FREM3: variants seen among roughly 807,000 people sequenced by gnomAD.
FREM3 encodes FRAS1-related extracellular matrix protein 3.
FREM3 carries 105 observed loss-of-function variants against 129.1 expected under a neutral mutation model. The observed-to-expected ratio is 0.81, with a 90% CI of 0.69 to 0.96. The LOEUF is 0.96. FREM3 is among the 40% of genes least tolerant of loss of function. FREM3 has a pLI of 0.00. For missense variants in FREM3, 2,593 were observed against 2,666.3 expected (o/e 0.97, Z 0.61); for synonymous variants, 1,014 against 1,044.9 (o/e 0.97, Z 0.57).
At chr4:143,669,804 T>A (rs1243169057) in intron 2 of FREM3, among the ~76,000 whole-genome samples, 8 of 152,082 alleles carry the variant, frequency 5.3e-5, no homozygotes, top group Admixed American at 1.3e-4. Flanking sequence ...ATATATATAT[T>A]TTTAAATTTC....
At chr4:143,667,160 A>G (rs1406757126) in intron 2 of FREM3, among the ~76,000 whole-genome samples, 1 of 152,160 alleles carries the variant, frequency 6.6e-6, no homozygotes, top group Non-Finnish European at 1.5e-5. Flanking sequence ...TTACCAACAT[A>G]TATTTTATTG....
intron 2 of FREM3, among the ~76,000 whole-genome samples, chr4:143,647,345 G>T (rs188821834): frequency 1.7e-3 from 254 of 152,302 alleles, no homozygotes; most frequent in Admixed American, 0.015. Flanking sequence ...TCTGTTTTCT[G>T]GGGAGAAATT....
chr4:143,581,319 A>T (rs1008674015), intron 7 of FREM3, among the ~76,000 whole-genome samples: 1 of 152,216 alleles, frequency 6.6e-6, no homozygotes, highest in Non-Finnish European at 1.5e-5. Flanking sequence ...TTGCAGCTGC[A>T]GTGGTACTGC....
chr4:143,637,251 TA>T (rs78169396), intron 2 of FREM3, among the ~76,000 whole-genome samples: 43,658 of 152,000 alleles, frequency 0.29, 7,543 homozygotes, highest in East Asian at 0.51. Flanking sequence ...ATGATAAATA[TA>T]ATGGTCTTTT....
chr4:143,580,363 C>T (rs1187221034), intron 7 of FREM3, among the ~76,000 whole-genome samples: 1 of 152,122 alleles, frequency 6.6e-6, no homozygotes, highest in Non-Finnish European at 1.5e-5. Flanking sequence ...TGCGACCCTC[C>T]TGGGACCCAC....
intron 2 of FREM3, among the ~76,000 whole-genome samples, chr4:143,673,773 A>G (rs1740050742): frequency 6.6e-6 from 1 of 152,090 alleles, no homozygotes; most frequent in Non-Finnish European, 1.5e-5. Context: ...TTGTTTACCT[A>G]CTCAAGCCTC....
At chr4:143,600,961 G>A (rs1297022229) in intron 6 of FREM3, among the ~76,000 whole-genome samples, 1 of 130,154 alleles carries the variant, frequency 7.7e-6, no homozygotes, top group Non-Finnish European at 1.7e-5. Context: ...TGTTTCTAAA[G>A]TCTTTTTTTT....
rs558384196 is a variant in FREM3 at position 143,664,578 on chromosome 4, C to T, written c.5275+28535G>A. 3.9e-3 allele frequency among the ~76,000 whole-genome samples: 594 copies of T among 152,282 alleles called. 6 individuals carry two copies. The highest frequency in any genetic ancestry group is 0.014 in the South Asian group (67 of 4,822). On this transcript the variant is annotated intron_variant, in intron 2 of 7. Coordinates refer to ENST00000329798, the MANE Select transcript of FREM3 (RefSeq NM_001168235.2). ...GGAGGCAGTCTGCCCGTTCTCAGAT[C>T]TCCAGCTGCATGCTGGGACAACCAC... is the stretch of plus-strand genomic sequence containing the variant.
chr4:143,676,018 T>G (rs141236909), intron 2 of FREM3, among the ~76,000 whole-genome samples: 11,110 of 151,952 alleles, frequency 0.073, 1,076 homozygotes, highest in African/African-American at 0.21. Flanking sequence ...AGAAAAAGAG[T>G]GAATCCTCCC....
chr4:143,591,812 A>G (rs1184481725), intron 6 of FREM3, among the ~76,000 whole-genome samples: 5 of 152,094 alleles, frequency 3.3e-5, no homozygotes, highest in African/African-American at 9.7e-5. Context: ...TTTCTGTCTC[A>G]CTGATCTGTC....
At position 143,700,613 on chromosome 4, in the gene FREM3, G is replaced by A; in HGVS notation, c.63C>T (p.Cys21=). Residue 21 remains cysteine (C), a synonymous_variant, in exon 1 of 8, where the codon TGC becomes TGT. Coordinates refer to ENST00000329798, the MANE Select transcript of FREM3 (RefSeq NM_001168235.2). ...GCAGCGCGGGGCGACTCAAGAGCAG[G>A]CAGGCGAGCGCCACAAGGAGCTGCC... The part of the protein sequence containing the change: ...TPRQLLVALA[C]LLLSRPALQG... The A allele has an allele frequency of 2.7e-6, 4 of 1,454,546 alleles. No individual in the cohort carries two copies. Among genetic ancestry groups the A allele is most frequent in the Non-Finnish European group, 2.7e-6 (3 of 1,105,594 alleles). 90.1% of individuals were successfully genotyped at this position (1,454,546 alleles called of 1,614,324 possible).
At chr4:143,631,953 T>G (rs545111473) in intron 2 of FREM3, among the ~76,000 whole-genome samples, 1 of 152,232 alleles carries the variant, frequency 6.6e-6, no homozygotes, top group South Asian at 2.1e-4. Context: ...ACAAAAAGAG[T>G]AATTCTGATA....
At position 143,699,894 on chromosome 4, in the gene FREM3, T is replaced by C; in HGVS notation, c.782A>G (p.Asn261Ser). The C allele has an allele frequency of 6.5e-7, 1 of 1,536,666 alleles. No individual in the cohort carries two copies. Among genetic ancestry groups the C allele is most frequent in the South Asian group, 1.2e-5 (1 of 84,052 alleles). Residue 261 changes from asparagine to serine, a missense_variant, in exon 1 of 8, where the codon AAC (asparagine) becomes AGC (serine). Around this residue, in one of 2 missense-constraint regions of FREM3, gnomAD observed 2,276 missense variants for 2,267.2 expected, o/e 1.00. Transcript: ENST00000329798. This position sits in a 1 kb window ranked among gnomAD's most constrained non-coding sequence, Gnocchi z 4.2. ...RYQHTATSSP[N>S]RDYVPMMVEL... The stretch of plus-strand genomic sequence containing the variant: ...CACCATCATGGGCACGTAGTCACGG[T>C]TGGGCGAGGAGGTGGCTGTGTGCTG...
At chr4:143,652,405 A>G (rs1739528982) in intron 2 of FREM3, among the ~76,000 whole-genome samples, 1 of 37,828 alleles carries the variant, frequency 2.6e-5, no homozygotes, top group African/African-American at 5.9e-5. Context: ...CTCATGATCC[A>G]CCCGCCTCGG....
intron 2 of FREM3, among the ~76,000 whole-genome samples, chr4:143,642,618 C>A (rs1739340260): frequency 6.6e-6 from 1 of 152,090 alleles, no homozygotes. Flanking sequence ...TATTTCTCAT[C>A]ATGTACAAAA....
At chr4:143,584,107 T>G (rs2149833192) in intron 7 of FREM3, among the ~76,000 whole-genome samples, 1 of 152,304 alleles carries the variant, frequency 6.6e-6, no homozygotes, top group South Asian at 2.1e-4. Flanking sequence ...AGTAAAGGGA[T>G]GGAGAAAAAT....
chr4:143,590,538 G>A (rs1223288731), intron 6 of FREM3, among the ~76,000 whole-genome samples: 31 of 152,194 alleles, frequency 2.0e-4, no homozygotes, highest in East Asian at 1.2e-3. Context: ...GCTGGATTAC[G>A]TTTATTGATT....
rs562644174 is a variant in FREM3 at position 143,585,094 on chromosome 4, C to T, written c.6178+750G>A. On this transcript the variant is annotated intron_variant, in intron 7 of 7. Transcript: ENST00000329798. The surrounding 1 kb of genome is among the most constrained non-coding windows in gnomAD (Gnocchi z 4.2). ...TTTGAAACTAATGAGAACAAAGATACAACATACCAGAACTTCTGGGACACA... is the reference window on the plus strand; with the variant it reads ...TTTGAAACTAATGAGAACAAAGATATAACATACCAGAACTTCTGGGACACA... Among the ~76,000 whole-genome samples, 1 of 152,216 alleles carries T rather than the reference C, an allele frequency of 6.6e-6. No homozygotes were observed. Among genetic ancestry groups the T allele is most frequent in the South Asian group, 2.1e-4 (1 of 4,824 alleles).
chr4:143,611,144 C>T, intron 6 of FREM3, 135 bp downstream of exon 6: 1 of 946,260 alleles, frequency 1.1e-6, no homozygotes, highest in Non-Finnish European at 1.5e-6. Flanking sequence ...AAGAGCTACT[C>T]ACAGTTTTTG....
Sources: allele counts gnomAD v4.1 joint callset (sites outside exome capture counted in the v4.1 genomes callset), GRCh38; gene constraint gnomAD v4.1.1; regional missense constraint gnomAD v4.1.1; non-coding constraint Gnocchi (gnomAD v3.1); transcripts MANE v1.5; gene names NCBI Gene and HGNC (gene_info 2026-07-23, HGNC 2026-07-21).